Variants in HK1 observed in about 807,000 individuals in gnomAD.
HK1 encodes the protein hexokinase-1.
A neutral mutation model predicts 91.6 loss-of-function variants in HK1; 28 were observed. That is an observed-to-expected ratio of 0.31 (90% CI 0.23 to 0.42). The LOEUF is 0.42. HK1 is among the 10% of genes least tolerant of loss of function. The probability of loss-of-function intolerance (pLI) is 1.00; values close to 1 mark genes in which losing one functional copy is unlikely to be tolerated. For synonymous variants in HK1, 430 were observed against 468.1 expected (o/e 0.92, Z 1.05); for missense variants, 770 against 1,219.8 (o/e 0.63, Z 5.49).
At chr10:69,325,176 T>C (rs1044599990) in intron 1 of HK1, among the ~76,000 whole-genome samples, 8 of 150,286 alleles carry the variant, frequency 5.3e-5, no homozygotes, top group Non-Finnish European at 5.9e-5. Context: ...CTCAGCCTCC[T>C]GAGTAGCTGG....
chr10:69,401,152 G>C lies in HK1; in HGVS notation c.*17G>C. 6.2e-7 allele frequency: 1 copy of C among 1,610,672 alleles called. No individual in the cohort carries two copies. Among genetic ancestry groups the C allele is most frequent in the Middle Eastern group, 1.7e-4 (1 of 5,754 alleles). ...AGCAGCTAAGAGTCCGGGATCCCCA[G>C]CCTACTGCCTCTCCAGCACTTCTCT... is the stretch of plus-strand genomic sequence containing the variant. On this transcript the variant is annotated 3_prime_UTR_variant, in exon 18 of 18. Coordinates refer to ENST00000359426, the MANE Select transcript of HK1 (RefSeq NM_000188.3).
At chr10:69,312,017 G>A (rs73263702), upstream of HK1, among the ~76,000 whole-genome samples, 3,207 of 152,288 alleles carry the variant, frequency 0.021, 115 homozygotes, top group African/African-American at 0.071. Context: ...AAGGGACAGG[G>A]TGGGACTCGG....
chr10:69,347,343 G>T (rs1206120027), intron 2 of HK1, among the ~76,000 whole-genome samples: 1 of 151,952 alleles, frequency 6.6e-6, no homozygotes. Context: ...GGAGGCAGGA[G>T]ACAGGGAACA....
intron 1 of HK1, among the ~76,000 whole-genome samples, chr10:69,335,314 A>C (rs1034978233): frequency 2.7e-4 from 41 of 152,170 alleles, no homozygotes; most frequent in African/African-American, 9.2e-4. Context: ...AGACTGTGTG[A>C]AAGGGGAAGG....
chr10:69,320,688 G>A (rs1846966193), intron 1 of HK1, among the ~76,000 whole-genome samples: 1 of 152,066 alleles, frequency 6.6e-6, no homozygotes, highest in Admixed American at 6.5e-5. Context: ...GGGCTGCTGG[G>A]CTGGGGGGTG....
At chr10:69,342,156 A>AC (rs200820334) in intron 1 of HK1, among the ~76,000 whole-genome samples, 4,137 of 141,122 alleles carry the variant, frequency 0.029, 69 homozygotes, top group African/African-American at 0.051. Context: ...AAAAAAACCA[A>AC]CCCCAAAAAC....
chr10:69,280,268 T>C (rs562883944), intron 1 of HK1, among the ~76,000 whole-genome samples: 11 of 152,232 alleles, frequency 7.2e-5, no homozygotes, highest in African/African-American at 2.6e-4. Flanking sequence ...CCTGCTACCA[T>C]GCCCAGCTAA....
intron 1 of HK1, among the ~76,000 whole-genome samples, chr10:69,321,596 C>G (rs921163266): frequency 6.6e-6 from 1 of 152,214 alleles, no homozygotes; most frequent in Non-Finnish European, 1.5e-5. Flanking sequence ...CATCTATCTT[C>G]TTGCCCTCAG....
chr10:69,287,761 A>T (rs753253085), intron 2 of HK1, among the ~76,000 whole-genome samples: 1 of 152,200 alleles, frequency 6.6e-6, no homozygotes, highest in African/African-American at 2.4e-5. Flanking sequence ...TATGTGAGTT[A>T]TAGCTCATTT....
At chr10:69,322,415 C>T (rs1475509162) in intron 1 of HK1, among the ~76,000 whole-genome samples, 1 of 152,160 alleles carries the variant, frequency 6.6e-6, no homozygotes, top group East Asian at 1.9e-4. Context: ...ACGGCATCTG[C>T]ATAAATTGGT....
chr10:69,374,705 CTGGAAAAGGG>C (rs1838993295), intron 7 of HK1, among the ~76,000 whole-genome samples: 1 of 152,208 alleles, frequency 6.6e-6, no homozygotes, highest in African/African-American at 2.4e-5. Flanking sequence ...GGGCCTCTAT[CTGGAAAAGGG>C]GGTATCACTA....
upstream of HK1, among the ~76,000 whole-genome samples, chr10:69,318,664 G>T (rs1408247764): frequency 6.6e-6 from 1 of 152,130 alleles, no homozygotes; most frequent in Non-Finnish European, 1.5e-5. Flanking sequence ...CGGCCGCCGC[G>T]TCCCCGCTCC....
At chr10:69,325,192 C>G (rs975217150) in intron 1 of HK1, among the ~76,000 whole-genome samples, 1 of 151,446 alleles carries the variant, frequency 6.6e-6, no homozygotes, top group East Asian at 1.9e-4. Flanking sequence ...GCTGGGACTA[C>G]AGGCGCCTGC....
intron 2 of HK1, among the ~76,000 whole-genome samples, chr10:69,352,854 A>C (rs1308050863): frequency 6.6e-6 from 1 of 152,144 alleles, no homozygotes; most frequent in Admixed American, 6.6e-5. Context: ...TTTCACTTTA[A>C]AATGGGTAAA....
At chr10:69,362,279 G>A (rs1023342424) in intron 3 of HK1, among the ~76,000 whole-genome samples, 1 of 151,640 alleles carries the variant, frequency 6.6e-6, no homozygotes, top group Non-Finnish European at 1.5e-5. Flanking sequence ...GATCTTGCCA[G>A]GTTGCCCAGG....
chr10:69,347,676 T>C (rs1848637853), intron 2 of HK1, among the ~76,000 whole-genome samples: 1 of 151,900 alleles, frequency 6.6e-6, no homozygotes, highest in African/African-American at 2.4e-5. Context: ...CCTTGTGATC[T>C]GCCCGCCTTG....
chr10:69,300,443 C>T (rs1448585245), intron 4 of HK1: 16 of 783,978 alleles, frequency 2.0e-5, no homozygotes, highest in Non-Finnish European at 2.7e-5. Context: ...AAAAAGAATC[C>T]CAGGATTTTC....
At chr10:69,293,574 G>A (rs7092374) in intron 3 of HK1, among the ~76,000 whole-genome samples, 3 of 152,174 alleles carry the variant, frequency 2.0e-5, no homozygotes, top group African/African-American at 4.8e-5. Context: ...CTTATTTACC[G>A]GCAATCCTGT....
chr10:69,384,769 C>T (rs368658114), intron 11 of HK1, 27 bp from the exon 12 acceptor site: 94 of 1,613,968 alleles, frequency 5.8e-5, no homozygotes, highest in Middle Eastern at 1.6e-4. Context: ...ACAGAGAGCA[C>T]GGGCGATCCT....
Sources: allele counts gnomAD v4.1 joint callset (sites outside exome capture counted in the v4.1 genomes callset), GRCh38; gene constraint gnomAD v4.1.1; transcripts MANE v1.5; gene names NCBI Gene and HGNC (gene_info 2026-07-23, HGNC 2026-07-21).